The following TNFRSF21 variants were observed in gnomAD, a reference collection of about 807,000 sequenced individuals.
The protein encoded by TNFRSF21 is tumor necrosis factor receptor superfamily member 21.
Under a neutral mutation model 45.6 loss-of-function variants are expected in TNFRSF21, and 19 were observed. The ratio of observed to expected loss-of-function variants is 0.42; its 90% CI spans 0.29 to 0.61. The LOEUF (loss-of-function observed/expected upper bound fraction) is 0.61, where lower values mean the gene tolerates loss of function less well. TNFRSF21 is among the 20% of genes least tolerant of loss of function. The pLI, the probability that TNFRSF21 is intolerant of heterozygous loss-of-function variation, is 0.23. For missense variants in TNFRSF21, 737 were observed against 851.5 expected, an observed-to-expected ratio of 0.87 and a Z score of 1.67; for synonymous variants, 314 against 335.5, an observed-to-expected ratio of 0.94 and a Z score of 0.70.
chr6:47,245,863 G>A (rs1366995234), intron 4 of TNFRSF21, among the ~76,000 whole-genome samples: 1 of 152,172 alleles, frequency 6.6e-6, no homozygotes, highest in Non-Finnish European at 1.5e-5. Context: ...GAGGCTTCAG[G>A]AAACTTATAA....
At chr6:47,289,027 T>G (rs1762685391) in intron 1 of TNFRSF21, among the ~76,000 whole-genome samples, 1 of 152,182 alleles carries the variant, frequency 6.6e-6, no homozygotes. Context: ...AATCCTGAGG[T>G]CCTTCTGAGA....
At chr6:47,245,915 G>C (rs1385527089) in intron 4 of TNFRSF21, among the ~76,000 whole-genome samples, 1 of 152,182 alleles carries the variant, frequency 6.6e-6, no homozygotes, top group Non-Finnish European at 1.5e-5. Flanking sequence ...GTCTTACATG[G>C]TCAGAGCAGT....
intron 5 of TNFRSF21, among the ~76,000 whole-genome samples, chr6:47,233,252 C>T (rs925556412): frequency 6.6e-6 from 1 of 152,228 alleles, no homozygotes; most frequent in African/African-American, 2.4e-5. Flanking sequence ...GCTTGAATGG[C>T]TTGCTGAGTT....
At position 47,234,845 on chromosome 6, in the gene TNFRSF21, G is replaced by T; in HGVS notation, c.1563C>A (p.Ser521Arg). 8.6e-6 allele frequency: 13 copies of T among 1,512,178 alleles called. No homozygotes were observed. The highest frequency in any genetic ancestry group is 1.1e-5 in the Non-Finnish European group (13 of 1,133,980). The allele number at this position is 1,512,178 out of a possible 1,614,324, so 93.7% of individuals were successfully genotyped here. The change falls in exon 5 of 6, where the codon AGC (serine) becomes AGA (arginine). Residue 521 changes from serine to arginine, a missense_variant. Physicochemically the swap from Ser to Arg is moderately radical, Grantham distance 110. Coordinates refer to ENST00000296861, the MANE Select transcript of TNFRSF21 (RefSeq NM_014452.5). ...LPMSPSPLSP[S>R]PIPSPNAKLE... Reference sequence around the variant, plus strand: ...GTTTCGCGTTGGGGCTGGGGATGGGGCTCGGGCTAAGCGGGCTGGGGCTCA... The same window carrying T: ...GTTTCGCGTTGGGGCTGGGGATGGGTCTCGGGCTAAGCGGGCTGGGGCTCA...
chr6:47,309,520 C>A lies in TNFRSF21; in HGVS notation c.-9G>T. Reference sequence around the variant, plus strand: ...CTCGGAGAGGTCCCCATGGCTGAACCGGGGACTCGCAGGGGCGCCCGGGGC... The same window carrying A: ...CTCGGAGAGGTCCCCATGGCTGAACAGGGGACTCGCAGGGGCGCCCGGGGC... On this transcript the variant is annotated 5_prime_UTR_variant, in exon 1 of 6. Coordinates refer to ENST00000296861, the MANE Select transcript of TNFRSF21 (RefSeq NM_014452.5). The A allele has an allele frequency of 1.4e-6, 2 of 1,437,208 alleles. No homozygotes were observed. Among genetic ancestry groups the A allele is most frequent in the Non-Finnish European group, 9.1e-7 (1 of 1,102,360 alleles). 89.0% of individuals were successfully genotyped at this position (1,437,208 alleles called of 1,614,324 possible). A position where few individuals can be genotyped will look rare whatever the true frequency, so the allele number is the denominator to read the frequency against.
chr6:47,251,508 T>G (rs963970066), intron 4 of TNFRSF21, among the ~76,000 whole-genome samples: 1 of 152,238 alleles, frequency 6.6e-6, no homozygotes, highest in Non-Finnish European at 1.5e-5. Context: ...TATGAATCAC[T>G]CTTTTTGACA....
chr6:47,299,839 A>T (rs1243639441), intron 1 of TNFRSF21, among the ~76,000 whole-genome samples: 1 of 152,248 alleles, frequency 6.6e-6, no homozygotes, highest in Admixed American at 6.5e-5. Flanking sequence ...GTGGCATTCT[A>T]AATTAATTCA....
intron 1 of TNFRSF21, among the ~76,000 whole-genome samples, chr6:47,306,109 T>C (rs994607961): frequency 2.0e-5 from 3 of 152,222 alleles, no homozygotes; most frequent in African/African-American, 7.2e-5. Flanking sequence ...TTACTGGGTG[T>C]CGAGCAACAA....
chr6:47,257,932 G>A (rs1765012719), intron 3 of TNFRSF21, among the ~76,000 whole-genome samples: 1 of 152,148 alleles, frequency 6.6e-6, no homozygotes, highest in Admixed American at 6.5e-5. Flanking sequence ...TGGTTAATAG[G>A]GAATGTGATG....
At chr6:47,268,636 C>G (rs1043309518) in intron 3 of TNFRSF21, among the ~76,000 whole-genome samples, 2 of 152,168 alleles carry the variant, frequency 1.3e-5, no homozygotes, top group African/African-American at 4.8e-5. Context: ...GTTCTTTCAC[C>G]TCCCCCAGCC....
intron 4 of TNFRSF21, among the ~76,000 whole-genome samples, chr6:47,240,261 G>GAGTT (rs1356088962): frequency 6.6e-6 from 1 of 152,208 alleles, no homozygotes; most frequent in Admixed American, 6.5e-5. Context: ...AAAGAAGGAA[G>GAGTT]AGTTCTATGT....
chr6:47,253,782 A>G (rs941009822), intron 3 of TNFRSF21, among the ~76,000 whole-genome samples: 3 of 152,212 alleles, frequency 2.0e-5, no homozygotes, highest in Non-Finnish European at 4.4e-5. Context: ...AGACCCAAAA[A>G]GATGTTTCGA....
chr6:47,309,585 G>C lies in TNFRSF21; in HGVS notation c.-74C>G. The C allele has an allele frequency of 7.3e-7, 1 of 1,372,284 alleles. No homozygotes were observed. The highest frequency in any genetic ancestry group is 9.3e-7 in the Non-Finnish European group (1 of 1,072,030). The allele number at this position is 1,372,284 out of a possible 1,614,324, so 85.0% of individuals were successfully genotyped here. ...GAATCGGCGGCTGCTTCTGCCCAGC[G>C]CCGCATCCACCGCCGCCTCCCGGGC... On this transcript the variant is annotated 5_prime_UTR_variant, in exon 1 of 6. Transcript: ENST00000296861.
rs1582308824 is a variant in TNFRSF21 at position 47,232,563 on chromosome 6, T to A, written c.*202A>T. On this transcript the variant is annotated 3_prime_UTR_variant, in exon 6 of 6. Transcript: ENST00000296861. ...AAACCAACTTCCCAGAAGAGTTATT[T>A]AAAAAAAAAAGAGAGAGAGAGAAGG... 14 of 498,370 alleles carry A rather than the reference T, an allele frequency of 2.8e-5. No individual in the cohort carries two copies. Among genetic ancestry groups the A allele is most frequent in the Non-Finnish European group, 4.2e-5 (12 of 285,744 alleles). 30.9% of individuals were successfully genotyped at this position (498,370 alleles called of 1,614,324 possible). A position where few individuals can be genotyped will look rare whatever the true frequency, so the allele number is the denominator to read the frequency against.
At chr6:47,269,240 A>AACACAC (rs149743493) in intron 3 of TNFRSF21, among the ~76,000 whole-genome samples, 1 of 149,324 alleles carries the variant, frequency 6.7e-6, no homozygotes, top group Non-Finnish European at 1.5e-5. Flanking sequence ...CACACACACA[A>AACACAC]ACACACACAC....
At chr6:47,267,463 A>G (rs914629239) in intron 3 of TNFRSF21, among the ~76,000 whole-genome samples, 3 of 152,110 alleles carry the variant, frequency 2.0e-5, no homozygotes, top group African/African-American at 7.2e-5. Flanking sequence ...TTTTATAGTC[A>G]AAGTTCCTAG....
chr6:47,253,818 C>T (rs752174980), intron 3 of TNFRSF21, among the ~76,000 whole-genome samples: 19 of 152,138 alleles, frequency 1.2e-4, no homozygotes, highest in African/African-American at 2.9e-4. Context: ...AAGGTATTCA[C>T]GGTGATTCCT....
intron 3 of TNFRSF21, among the ~76,000 whole-genome samples, chr6:47,268,887 T>A (rs1762373750): frequency 6.6e-6 from 1 of 152,146 alleles, no homozygotes; most frequent in Non-Finnish European, 1.5e-5. Context: ...CCAATATCCT[T>A]ATTTATCTTC....
intron 5 of TNFRSF21, among the ~76,000 whole-genome samples, chr6:47,233,943 T>C (rs1259864039): frequency 6.6e-6 from 1 of 152,160 alleles, no homozygotes; most frequent in Non-Finnish European, 1.5e-5. Context: ...GTATTTGCAA[T>C]GTAGTTTAAC....
Sources: gnomAD v4.1 joint callset for allele counts (sites outside exome capture counted in the v4.1 genomes callset) on GRCh38, gnomAD v4.1.1 for gene constraint, MANE v1.5 for transcripts, NCBI Gene and HGNC (gene_info 2026-07-23, HGNC 2026-07-21) for gene names.